Variants in HNRNPLL observed in about 807,000 individuals in gnomAD.
HNRNPLL encodes heterogeneous nuclear ribonucleoprotein L-like.
Under a neutral mutation model 67.1 loss-of-function variants are expected in HNRNPLL, and 25 were observed. The ratio of observed to expected loss-of-function variants is 0.37; its 90% confidence interval spans 0.27 to 0.52. The LOEUF (loss-of-function observed/expected upper bound fraction) is 0.52. Ranked by LOEUF, HNRNPLL falls within the 20% of genes least tolerant of loss-of-function variation. HNRNPLL has a pLI of 0.90. For missense variants in HNRNPLL, 542 were observed against 673.9 expected, an observed-to-expected ratio of 0.80 and a Z score of 2.17; for synonymous variants, 267 against 241.7, an observed-to-expected ratio of 1.10 and a Z score of -0.97.
intron 8 of HNRNPLL, among the ~76,000 whole-genome samples, chr2:38,570,692 G>A (rs1271601748): frequency 6.6e-6 from 1 of 152,166 alleles, no homozygotes; most frequent in Non-Finnish European, 1.5e-5. Context: ...ATTAAGTACA[G>A]TAGTTCCCCC....
Position 38,568,257 on chromosome 2 carries a change from G to A in HNRNPLL, c.1515C>T (p.Cys505=). 6.2e-7 allele frequency: 1 copy of A among 1,613,512 alleles called. No individual in the cohort carries two copies. Among genetic ancestry groups the A allele is most frequent in the East Asian group, 2.2e-5 (1 of 44,832 alleles). Residue 505 remains cysteine, a synonymous_variant, in exon 12 of 13, where the codon TGC becomes TGT. Transcript: ENST00000449105. ...KTLSGLLEWE[C]KTDAVEALTA... ...TAAGGGCTTCTACTGCATCAGTTTT[G>A]CACTCCCATTCTAATAGCCCAGAAA...
chr2:38,569,062 A>T, intron 10 of HNRNPLL, 71 bp downstream of exon 10: 1 of 1,113,158 alleles, frequency 9.0e-7, no homozygotes, highest in South Asian at 1.3e-5. Flanking sequence ...AACGACTTCA[A>T]AATGAAGCTA....
rs771756131 is a variant in HNRNPLL, at chr2:38,585,640, A to AT, written c.546+3dup. ...AATTTCATTTGTCATATTAAAACAC[A>AT]TACCACTGTAATTGGATAAAGCGGA... On this transcript the variant is annotated splice_donor_region_variant and intron_variant, in intron 3 of 12. Coordinates refer to ENST00000449105, the MANE Select transcript of HNRNPLL (RefSeq NM_138394.4). The AT allele has an allele frequency of 1.2e-4, 181 of 1,540,380 alleles. No homozygotes were observed. The highest frequency in any genetic ancestry group is 1.5e-4 in the Non-Finnish European group (165 of 1,112,996).
intron 1 of HNRNPLL, among the ~76,000 whole-genome samples, chr2:38,596,208 A>G (rs560642343): frequency 6.6e-6 from 1 of 152,250 alleles, no homozygotes; most frequent in African/African-American, 2.4e-5. Flanking sequence ...CTGTTCTTAA[A>G]TCACTTCTTT....
chr2:38,568,149 A>T, intron 12 of HNRNPLL, 50 bp downstream of exon 12: 1 of 1,083,926 alleles, frequency 9.2e-7, no homozygotes, highest in Non-Finnish European at 1.4e-6. Context: ...TGTTTCTGTG[A>T]TGGTAACTGC....
intron 1 of HNRNPLL, among the ~76,000 whole-genome samples, chr2:38,595,070 G>C (rs1667118898): frequency 6.6e-6 from 1 of 151,486 alleles, no homozygotes; most frequent in Non-Finnish European, 1.5e-5. Flanking sequence ...TCGAGGCTCA[G>C]GAGTTTGAGA....
At position 38,570,420 on chromosome 2, in the gene HNRNPLL, A is replaced by C. The variant is rs554973155; in HGVS notation, c.1093-495T>G. On this transcript the variant is annotated intron_variant, in intron 8 of 12. Transcript: ENST00000449105. ...ATTTAAAAGTAAACAAATAGTAAGT[A>C]CAAACTATGTAGAATTCTGTTAATG... 2.0e-5 allele frequency among the ~76,000 whole-genome samples: 3 copies of C among 152,322 alleles called. No homozygotes were observed. In the South Asian group the frequency reaches 6.2e-4, roughly 32 times the overall value.
Position 38,562,687 on chromosome 2 carries a change from C to T in HNRNPLL, c.*1495G>A, listed in dbSNP as rs1665712803. ...TACCCTTGGCATAACTTACTGGGTT[C>T]TGTGATAAGGGTCTAAAATACTTCT... On this transcript the variant is annotated 3_prime_UTR_variant, in exon 13 of 13. Transcript: ENST00000449105. 6.6e-6 allele frequency: 1 copy of T among 151,968 alleles called. No homozygotes were observed. The highest frequency in any genetic ancestry group is 2.4e-5 in the African/African-American group (1 of 41,418). 9.4% of individuals were successfully genotyped at this position (151,968 alleles called of 1,614,324 possible).
At chr2:38,568,869 A>C (rs374878252) in intron 10 of HNRNPLL, among the ~76,000 whole-genome samples, 1 of 152,300 alleles carries the variant, frequency 6.6e-6, no homozygotes, top group East Asian at 1.9e-4. Context: ...ATGTCTTTAA[A>C]TAACTTTCTG....
At chr2:38,585,981 A>G in intron 2 of HNRNPLL, 100 bp from the exon 3 acceptor site, 1 of 793,636 alleles carries the variant, frequency 1.3e-6, no homozygotes, top group Non-Finnish European at 2.2e-6. Flanking sequence ...AAAATGTGTC[A>G]AATCCCACAG....
intron 2 of HNRNPLL, among the ~76,000 whole-genome samples, chr2:38,588,149 G>A (rs942635289): frequency 3.9e-5 from 6 of 152,052 alleles, no homozygotes; most frequent in South Asian, 2.1e-4. Context: ...TCTCAAATAC[G>A]TCTTTATAGC....
At chr2:38,564,418 G>C (rs527983947) in intron 12 of HNRNPLL, among the ~76,000 whole-genome samples, 181 bp from the exon 13 acceptor site, 1 of 151,776 alleles carries the variant, frequency 6.6e-6, no homozygotes, top group East Asian at 1.9e-4. Flanking sequence ...TCAGGAGTTC[G>C]AGACCAGCCT....
rs188848616 is a variant in HNRNPLL, at chr2:38,569,483, T to C, written c.1215-149A>G. On this transcript the variant is annotated intron_variant, in intron 9 of 12. Transcript: ENST00000449105. ...ATTTAAATAGAGGATTTAGTTTGGG[T>C]TATAATCAATCACTCTTGTAGTTTA... The C allele has an allele frequency of 1.9e-4, 114 of 607,994 alleles. No homozygotes were observed. The East Asian group carries it at 2.9e-3, about 15-fold the overall frequency. The allele number at this position is 607,994 out of a possible 1,614,324, so 37.7% of individuals were successfully genotyped here.
chr2:38,581,179 T>C (rs1209709833), intron 6 of HNRNPLL: 2 of 152,210 alleles, frequency 1.3e-5, no homozygotes, highest in African/African-American at 4.8e-5. Context: ...CAATTAACAA[T>C]TTGAATCTAA....
chr2:38,582,315 TTTG>T (rs561419092), intron 4 of HNRNPLL, 147 bp from the exon 5 acceptor site: 97 of 670,584 alleles, frequency 1.4e-4, no homozygotes, highest in Middle Eastern at 4.1e-4. Context: ...AAGAGAATTT[TTTG>T]TTTTGTTTTG....
intron 12 of HNRNPLL, among the ~76,000 whole-genome samples, chr2:38,565,280 C>T (rs1162999361): frequency 1.3e-5 from 2 of 152,210 alleles, no homozygotes; most frequent in African/African-American, 4.8e-5. Context: ...CTGTCCCTAT[C>T]TCCAAACAGT....
chr2:38,579,958 A>G (rs1218956450), intron 6 of HNRNPLL, among the ~76,000 whole-genome samples: 1 of 152,220 alleles, frequency 6.6e-6, no homozygotes, highest in East Asian at 1.9e-4. Context: ...TGCTTTAATT[A>G]TATTTCACTA....
At position 38,597,671 on chromosome 2, in the gene HNRNPLL, T is replaced by C. The variant is rs111525277; in HGVS notation, c.189+4767A>G. On this transcript the variant is annotated intron_variant, in intron 1 of 12. Transcript: ENST00000449105. ...GCAAAGATGTAAAATTATGGCCATA[T>C]GAGTCAAGTAACTTTTTTTATTTTT... Among the ~76,000 whole-genome samples the C allele has an allele frequency of 3.3e-3, 505 of 151,858 alleles. 3 individuals carry two copies. The highest frequency in any genetic ancestry group is 0.012 in the African/African-American group (477 of 41,478).
At chr2:38,593,912 C>T (rs1572460621) in intron 1 of HNRNPLL, among the ~76,000 whole-genome samples, 2 of 148,510 alleles carry the variant, frequency 1.3e-5, no homozygotes, top group African/African-American at 5.0e-5. Flanking sequence ...CAGTGGCTTA[C>T]GCCTGCAATC....
Sources: allele counts gnomAD v4.1 joint callset (sites outside exome capture counted in the v4.1 genomes callset), GRCh38; gene constraint gnomAD v4.1.1; transcripts MANE v1.5; gene names NCBI Gene and HGNC (gene_info 2026-07-23, HGNC 2026-07-21).